The following GNG12 variants were observed in gnomAD, a reference collection of about 807,000 sequenced individuals.
GNG12 encodes G protein subunit gamma 12, also known as guanine nucleotide-binding protein G(I)/G(S)/G(O) subunit gamma-12.
For missense variants in GNG12, 69 were observed against 83.8 expected (o/e 0.82, Z 0.69); for synonymous variants, 28 against 29.7 (o/e 0.94, Z 0.19).
chr1:67,818,933 A>G (rs1646969826), intron 1 of GNG12, among the ~76,000 whole-genome samples: 1 of 152,214 alleles, frequency 6.6e-6, no homozygotes. Context: ...GAACCTGGGC[A>G]GTGTGAATCT....
At chr1:67,731,381 A>G (rs1646418056) in intron 2 of GNG12, among the ~76,000 whole-genome samples, 1 of 152,236 alleles carries the variant, frequency 6.6e-6, no homozygotes, top group African/African-American at 2.4e-5. Context: ...CATAAAATCC[A>G]CATGTAACTT....
At chr1:67,765,938 G>A (rs1646634403) in intron 2 of GNG12, among the ~76,000 whole-genome samples, 1 of 152,118 alleles carries the variant, frequency 6.6e-6, no homozygotes, top group Admixed American at 6.5e-5. Flanking sequence ...GTAACTAGAC[G>A]TAGTGGTGAA....
At chr1:67,802,478 TC>T (rs1403536612) in intron 1 of GNG12, among the ~76,000 whole-genome samples, 2 of 152,200 alleles carry the variant, frequency 1.3e-5, no homozygotes, top group East Asian at 3.8e-4. Context: ...GCTTTCAGGC[TC>T]CAGACTTCTG....
At chr1:67,818,658 G>A (rs1222733497) in intron 1 of GNG12, among the ~76,000 whole-genome samples, 1 of 152,112 alleles carries the variant, frequency 6.6e-6, no homozygotes, top group Non-Finnish European at 1.5e-5. Flanking sequence ...CACTGAGAAA[G>A]GTGGAGGTAG....
chr1:67,727,346 T>G (rs1456741835), intron 2 of GNG12, among the ~76,000 whole-genome samples: 1 of 152,258 alleles, frequency 6.6e-6, no homozygotes, highest in Admixed American at 6.5e-5. Flanking sequence ...CTTGGAATGT[T>G]TTCACAAGTG....
intron 2 of GNG12, among the ~76,000 whole-genome samples, chr1:67,712,301 A>G (rs1483944135): frequency 6.6e-6 from 1 of 151,988 alleles, no homozygotes; most frequent in East Asian, 1.9e-4. Flanking sequence ...GTGAGCACAC[A>G]TGTTGCTTGC....
intron 2 of GNG12, among the ~76,000 whole-genome samples, chr1:67,767,216 C>T (rs1189841429): frequency 6.6e-6 from 1 of 152,116 alleles, no homozygotes; most frequent in African/African-American, 2.4e-5. Flanking sequence ...CTGGACTCTC[C>T]CCTGCAGTAA....
At chr1:67,797,802 T>G (rs889394984) in intron 1 of GNG12, among the ~76,000 whole-genome samples, 3 of 152,124 alleles carry the variant, frequency 2.0e-5, no homozygotes, top group Admixed American at 6.5e-5. Context: ...ACATAGCATT[T>G]AACGAGAGAA....
intron 1 of GNG12, among the ~76,000 whole-genome samples, chr1:67,778,672 C>T (rs1424114896): frequency 6.6e-6 from 1 of 152,118 alleles, no homozygotes; most frequent in African/African-American, 2.4e-5. Context: ...AACTGAGGCA[C>T]AGAGGGGTTA....
chr1:67,813,913 GTA>G (rs768771489), intron 1 of GNG12, among the ~76,000 whole-genome samples: 2 of 151,468 alleles, frequency 1.3e-5, no homozygotes, highest in African/African-American at 4.9e-5. Flanking sequence ...ATATATATGT[GTA>G]TATATATATG....
At chr1:67,752,177 AACGTAT>A (rs367859583) in intron 2 of GNG12, among the ~76,000 whole-genome samples, 6 of 152,302 alleles carry the variant, frequency 3.9e-5, no homozygotes, top group African/African-American at 1.4e-4. Flanking sequence ...CAGGAAATCT[AACGTAT>A]ACTCCTTCAC....
intron 2 of GNG12, among the ~76,000 whole-genome samples, chr1:67,710,956 G>T (rs1250420540): frequency 6.6e-6 from 1 of 151,840 alleles, no homozygotes; most frequent in African/African-American, 2.4e-5. Context: ...CAGAGAAAAC[G>T]TTAAACAAGC....
At chr1:67,777,741 C>A (rs543766536) in intron 1 of GNG12, among the ~76,000 whole-genome samples, 1 of 152,106 alleles carries the variant, frequency 6.6e-6, no homozygotes, top group Non-Finnish European at 1.5e-5. Flanking sequence ...CTGAGGCCAG[C>A]GTAACTATAA....
At chr1:67,718,912 T>C (rs1646341954) in intron 2 of GNG12, among the ~76,000 whole-genome samples, 1 of 152,238 alleles carries the variant, frequency 6.6e-6, no homozygotes, top group African/African-American at 2.4e-5. Flanking sequence ...GCTTACTATA[T>C]GCCCATCAAT....
At chr1:67,805,692 C>A (rs1228806621) in intron 1 of GNG12, among the ~76,000 whole-genome samples, 4 of 151,718 alleles carry the variant, frequency 2.6e-5, no homozygotes, top group Non-Finnish European at 5.9e-5. Flanking sequence ...ATACATGTAA[C>A]AAGAATGCTA....
rs146127046 is a variant in GNG12, at chr1:67,811,424, C to T, written c.-77+21920G>A. ...ATTAAAGGACTAACACAACACTAAG[C>T]GATTCAACCATAATTACAAGGCAAA... is the stretch of plus-strand genomic sequence containing the variant. On this transcript the variant is annotated intron_variant, in intron 1 of 3. Transcript: ENST00000370982. Among the ~76,000 whole-genome samples the T allele has an allele frequency of 5.3e-5, 8 of 152,246 alleles. No homozygotes were observed. The South Asian group carries it at 1.5e-3, about 28-fold the overall frequency.
intron 3 of GNG12, 31 bp from the exon 4 acceptor site, chr1:67,705,607 A>C: frequency 6.3e-7 from 1 of 1,589,778 alleles, no homozygotes. Context: ...ACAAACAAGA[A>C]AGAAAATATT....
At chr1:67,775,536 C>T (rs1231272354) in intron 2 of GNG12, among the ~76,000 whole-genome samples, 3 of 152,232 alleles carry the variant, frequency 2.0e-5, no homozygotes, top group Non-Finnish European at 2.9e-5. Flanking sequence ...TTGTGTGATT[C>T]TGATGAGCTG....
At chr1:67,719,440 C>T (rs1045513805) in intron 2 of GNG12, among the ~76,000 whole-genome samples, 15 of 152,124 alleles carry the variant, frequency 9.9e-5, no homozygotes, top group African/African-American at 3.6e-4. Context: ...AAACTGTATG[C>T]AAAATCTGGT....
Sources: gnomAD v4.1 joint callset for allele counts (sites outside exome capture counted in the v4.1 genomes callset) on GRCh38, gnomAD v4.1.1 for gene constraint, MANE v1.5 for transcripts, NCBI Gene and HGNC (gene_info 2026-07-23, HGNC 2026-07-21) for gene names.